ZNF423: variants seen among roughly 807,000 people sequenced by gnomAD.
The protein encoded by ZNF423 is Ebf-associated zinc finger protein.
Under a neutral mutation model 95.8 loss-of-function variants are expected in ZNF423, and 12 were observed. That is an observed-to-expected ratio of 0.13 (90% CI 0.08 to 0.20). ZNF423 has a LOEUF of 0.20. Among genes scored for constraint, ZNF423 ranks in the 10% least tolerant of loss-of-function variants. The pLI, the probability that ZNF423 is intolerant of heterozygous loss-of-function variation, is 1.00. For missense variants in ZNF423, 1,316 were observed against 1,737.1 expected (o/e 0.76, Z 4.31); for synonymous variants, 749 against 711.9 (o/e 1.05, Z -0.83).
chr16:49,642,994 T>C (rs562046050), intron 3 of ZNF423, among the ~76,000 whole-genome samples: 13 of 152,132 alleles, frequency 8.5e-5, no homozygotes, highest in African/African-American at 3.1e-4. Flanking sequence ...CTAATTTTTG[T>C]ATTTTTAGTA....
At chr16:49,681,179 T>C (rs1276406564) in intron 3 of ZNF423, among the ~76,000 whole-genome samples, 4 of 151,926 alleles carry the variant, frequency 2.6e-5, no homozygotes, top group African/African-American at 7.3e-5. Flanking sequence ...CAAACTCCAA[T>C]AGGAAAGGAA....
At chr16:49,621,889 C>T (rs1490764501) in intron 5 of ZNF423, among the ~76,000 whole-genome samples, 1 of 152,182 alleles carries the variant, frequency 6.6e-6, no homozygotes, top group Admixed American at 6.5e-5. Flanking sequence ...CTCTTCTCCC[C>T]CTGCCCTGTT....
At chr16:49,498,186 C>A (rs988445981) in intron 7 of ZNF423, among the ~76,000 whole-genome samples, 2 of 152,218 alleles carry the variant, frequency 1.3e-5, no homozygotes, top group Admixed American at 6.5e-5. Flanking sequence ...CATATTAGCT[C>A]ATTTAAGCCT....
intron 3 of ZNF423, among the ~76,000 whole-genome samples, chr16:49,663,920 C>A (rs940833423): frequency 6.6e-6 from 1 of 152,214 alleles, no homozygotes; most frequent in African/African-American, 2.4e-5. Context: ...CAGAAAAAAA[C>A]GTTTCCTTCC....
rs1972671656 is a variant in ZNF423 at position 49,635,814 on chromosome 16, GCGGGCTCGGGCGGGGCCAGGCCAC to G, written c.3338_3361del (p.Gly1113_Pro1120del). Reference sequence around the variant, plus strand: ...ACGGAGGCCGGCACAGGGCCGGTCGGCGGGCTCGGGCGGGGCCAGGCCACCCACCTGTCCGTTGGCGCTGCGGGC... The same window carrying G: ...ACGGAGGCCGGCACAGGGCCGGTCGGCCACCTGTCCGTTGGCGCTGCGGGC... On this transcript the variant is annotated inframe_deletion, in exon 4 of 8. Transcript: ENST00000563137. The surrounding 1 kb of genome is among the most constrained non-coding windows in gnomAD (Gnocchi z 4.8). 1.9e-6 allele frequency: 3 copies of G among 1,609,178 alleles called. No individual in the cohort carries two copies. The African/African-American group carries it at 4.0e-5, about 22-fold the overall frequency.
intron 7 of ZNF423, among the ~76,000 whole-genome samples, 183 bp from the exon 8 acceptor site, chr16:49,491,487 T>C: frequency 6.6e-6 from 1 of 151,490 alleles, no homozygotes; most frequent in Non-Finnish European, 1.5e-5. Flanking sequence ...GATTTGGGGC[T>C]TGGGGATAGG....
At chr16:49,678,575 A>T (rs1456631976) in intron 3 of ZNF423, among the ~76,000 whole-genome samples, 1 of 152,166 alleles carries the variant, frequency 6.6e-6, no homozygotes, top group Non-Finnish European at 1.5e-5. Context: ...CAAAGTATTG[A>T]TTGCCACCTA....
upstream of ZNF423, among the ~76,000 whole-genome samples, chr16:49,856,554 C>T (rs1208729580): frequency 6.6e-6 from 1 of 151,626 alleles, no homozygotes; most frequent in Non-Finnish European, 1.5e-5. Context: ...GGGGGTCCCT[C>T]AACTCAGCCT....
At position 49,726,944 on chromosome 16, in the gene ZNF423, A is replaced by G. The variant is rs186754330; in HGVS notation, c.301+3827T>C. On this transcript the variant is annotated intron_variant, in intron 3 of 7. Coordinates refer to ENST00000563137, the MANE Select transcript of ZNF423 (RefSeq NM_001379286.1). ...ATAACATGTTATGTGACAAACACAG[A>G]ACGTGAAAACGTATGTGCTCACAAC... Among the ~76,000 whole-genome samples, 15 of 151,992 alleles carry G rather than the reference A, an allele frequency of 9.9e-5. No individual in the cohort carries two copies. In the East Asian group the frequency reaches 1.9e-3, roughly 20 times the overall value.
chr16:49,506,950 T>C (rs1323268106), intron 7 of ZNF423, among the ~76,000 whole-genome samples: 1 of 151,768 alleles, frequency 6.6e-6, no homozygotes, highest in Non-Finnish European at 1.5e-5. Context: ...TGTAGATGAA[T>C]GGATGAATGG....
intron 1 of ZNF423, among the ~76,000 whole-genome samples, chr16:49,800,817 A>C (rs9928998): frequency 0.77 from 116,806 of 152,156 alleles, 45,669 homozygotes; most frequent in African/African-American, 0.92. Context: ...CAGCCACGGA[A>C]TCCCAGGCCA....
intron 7 of ZNF423, among the ~76,000 whole-genome samples, chr16:49,497,774 C>T (rs963837949): frequency 1.3e-5 from 2 of 152,254 alleles, no homozygotes; most frequent in African/African-American, 4.8e-5. Context: ...GATTCCCTTT[C>T]CAGGGGAAGA....
chr16:49,549,743 T>C (rs1454089037), intron 5 of ZNF423, among the ~76,000 whole-genome samples: 1 of 152,266 alleles, frequency 6.6e-6, no homozygotes, highest in African/African-American at 2.4e-5. Flanking sequence ...ATAAGGAAAC[T>C]GAGTCACAGA....
chr16:49,542,633 G>A (rs1969293827), intron 5 of ZNF423, among the ~76,000 whole-genome samples: 1 of 152,220 alleles, frequency 6.6e-6, no homozygotes, highest in African/African-American at 2.4e-5. Flanking sequence ...CCCATGAGGA[G>A]GCTGCCACGT....
intron 3 of ZNF423, among the ~76,000 whole-genome samples, chr16:49,657,326 T>C (rs967156122): frequency 2.6e-5 from 4 of 152,170 alleles, no homozygotes; most frequent in Admixed American, 6.5e-5. Flanking sequence ...TCTCCAGCCA[T>C]GTGCCAGGTG....
rs963781892 is a variant in ZNF423 at position 49,853,846 on chromosome 16, G to A, written c.40+1889C>T. 14 of 985,226 alleles carry A rather than the reference G, an allele frequency of 1.4e-5. No homozygotes were observed. The East Asian group carries it at 3.4e-4, about 24-fold the overall frequency. The allele number at this position is 985,226 out of a possible 1,614,324, so 61.0% of individuals were successfully genotyped here. ...TGCTTTCTGGGTCTCGCCGTCTAAC[G>A]TAAGGAGGTTTGGAGAAGTGGATTG... On this transcript the variant is annotated intron_variant, in intron 1 of 7. Coordinates refer to ENST00000563137, the MANE Select transcript of ZNF423 (RefSeq NM_001379286.1).
chr16:49,858,417 G>T (rs1488248410), upstream of ZNF423, among the ~76,000 whole-genome samples: 1 of 147,382 alleles, frequency 6.8e-6, no homozygotes, highest in Non-Finnish European at 1.5e-5. This position sits in a 1 kb window ranked among gnomAD's most constrained non-coding sequence, Gnocchi z 4.3. Context: ...TGGGGAGCGC[G>T]AGCTGGAGGA....
chr16:49,667,861 G>C (rs1468692151), intron 3 of ZNF423, among the ~76,000 whole-genome samples: 1 of 152,178 alleles, frequency 6.6e-6, no homozygotes, highest in South Asian at 2.1e-4. Flanking sequence ...ACTCCAGCCT[G>C]GGCAACAGAG....
chr16:49,515,825 G>A (rs548713128), intron 7 of ZNF423, among the ~76,000 whole-genome samples: 9 of 152,296 alleles, frequency 5.9e-5, no homozygotes, highest in East Asian at 1.9e-4. Flanking sequence ...GGCACCATCC[G>A]TGCCCAGTGT....
Sources: gnomAD v4.1 joint callset for allele counts (sites outside exome capture counted in the v4.1 genomes callset) on GRCh38, gnomAD v4.1.1 for gene constraint, Gnocchi (gnomAD v3.1) non-coding constraint, MANE v1.5 for transcripts, NCBI Gene and HGNC (gene_info 2026-07-23, HGNC 2026-07-21) for gene names.